The following BPTF variants were observed in gnomAD, a reference collection of about 807,000 sequenced individuals.
The protein encoded by BPTF is bromodomain PHD finger transcription factor, also known as nucleosome-remodeling factor subunit BPTF.
A neutral mutation model predicts 292.5 loss-of-function variants in BPTF; 18 were observed. That is an observed-to-expected ratio of 0.06 (90% CI 0.04 to 0.09). BPTF has a LOEUF of 0.09. Among genes scored for constraint, BPTF ranks in the 10% least tolerant of loss-of-function variants. BPTF has a pLI of 1.00. For synonymous variants in BPTF, 1,225 were observed against 1,251.9 expected (o/e 0.98, Z 0.45); for missense variants, 2,726 against 3,498.7 (o/e 0.78, Z 5.57).
intron 18 of BPTF, among the ~76,000 whole-genome samples, chr17:67,936,274 A>C (rs1466994788): frequency 3.9e-5 from 6 of 152,204 alleles, no homozygotes; most frequent in African/African-American, 1.4e-4. Flanking sequence ...AAAGAAAGGA[A>C]GATGGATTAT....
At chr17:67,907,230 A>G (rs1309015265) in intron 9 of BPTF, among the ~76,000 whole-genome samples, 1 of 148,862 alleles carries the variant, frequency 6.7e-6, no homozygotes, top group African/African-American at 2.5e-5. Context: ...ATTCATCTAG[A>G]CAGTAGTTCT....
intron 1 of BPTF, among the ~76,000 whole-genome samples, chr17:67,839,964 A>G (rs981114190): frequency 8.6e-5 from 13 of 152,026 alleles, no homozygotes; most frequent in African/African-American, 2.9e-4. Flanking sequence ...TTTTTTTTTA[A>G]AAGACACCTT....
intron 19 of BPTF, among the ~76,000 whole-genome samples, chr17:67,942,038 A>G (rs2065410735): frequency 6.6e-6 from 1 of 152,186 alleles, no homozygotes. Flanking sequence ...GGTGGCTCAC[A>G]CCTGTAATCC....
chr17:67,913,276 A>G (rs1226152910), intron 11 of BPTF, 89 bp downstream of exon 11: 1 of 1,466,676 alleles, frequency 6.8e-7, no homozygotes, highest in Non-Finnish European at 9.1e-7. Flanking sequence ...AAATGAGATA[A>G]TAGAGATAAG....
intron 1 of BPTF, 43 bp downstream of exon 1, chr17:67,826,380 C>T (rs751490762): frequency 1.3e-6 from 2 of 1,565,780 alleles, no homozygotes; most frequent in East Asian, 4.5e-5. Flanking sequence ...TCCCCACCTC[C>T]TCTGCCCTCC....
intron 27 of BPTF, chr17:67,981,399 A>C: frequency 1.0e-6 from 1 of 955,884 alleles, no homozygotes; most frequent in Non-Finnish European, 1.4e-6. Flanking sequence ...GTTATAATTC[A>C]TCATTTATAC....
chr17:67,861,687 T>C (rs1477673212), intron 2 of BPTF, among the ~76,000 whole-genome samples: 3 of 152,204 alleles, frequency 2.0e-5, no homozygotes, highest in Non-Finnish European at 4.4e-5. Flanking sequence ...AACCTTTTAA[T>C]TACAATTACT....
Position 67,945,588 on chromosome 17 carries a change from C to G in BPTF, c.6880C>G (p.Gln2294Glu), listed in dbSNP as rs139767484. 86 of 1,610,936 alleles carry G rather than the reference C, an allele frequency of 5.3e-5. No homozygotes were observed. The highest frequency in any genetic ancestry group is 6.0e-5 in the Non-Finnish European group (71 of 1,178,264). The stretch of plus-strand genomic sequence containing the variant: ...CCAGTCCCCAGCTCAGCCTGAAGTT[C>G]AGACTCAGCCTGAAGTTCAGACCCA... Reference protein sequence around the residue: ...QPQSPAQPEVQTQPEVQTQTT... With the variant: ...QPQSPAQPEVETQPEVQTQTT... Residue 2294 changes from glutamine to glutamate, a missense_variant, in exon 21 of 28, where the codon CAG becomes GAG. This residue lies in a region of BPTF where 570 missense variants were observed against 633.5 expected (regional missense o/e 0.90). Transcript: ENST00000306378.
At chr17:67,829,635 A>C (rs1193240802) in intron 1 of BPTF, among the ~76,000 whole-genome samples, 1 of 152,208 alleles carries the variant, frequency 6.6e-6, no homozygotes, top group Non-Finnish European at 1.5e-5. Flanking sequence ...AAATGTGTAG[A>C]TAGAAGAAAA....
chr17:67,884,787 A>G (rs2060645669), intron 4 of BPTF, among the ~76,000 whole-genome samples: 1 of 151,958 alleles, frequency 6.6e-6, no homozygotes, highest in Admixed American at 6.6e-5. Context: ...AGCTCTATAG[A>G]TAAGTAATTT....
chr17:67,957,711 A>C (rs2067090444), intron 23 of BPTF, among the ~76,000 whole-genome samples: 1 of 152,244 alleles, frequency 6.6e-6, no homozygotes, highest in African/African-American at 2.4e-5. Flanking sequence ...CCTCAAAAAA[A>C]TTAGCTGGGC....
At chr17:67,852,278 A>G (rs1053841162) in intron 1 of BPTF, among the ~76,000 whole-genome samples, 4 of 151,946 alleles carry the variant, frequency 2.6e-5, no homozygotes, top group Non-Finnish European at 5.9e-5. Flanking sequence ...TACCTGTCCA[A>G]TTTTTTCTTT....
chr17:67,852,740 A>C (rs2058485002), intron 1 of BPTF, among the ~76,000 whole-genome samples: 1 of 152,266 alleles, frequency 6.6e-6, no homozygotes, highest in Non-Finnish European at 1.5e-5. Flanking sequence ...CTACAGGATA[A>C]GTTCCAGGAG....
intron 1 of BPTF, among the ~76,000 whole-genome samples, chr17:67,843,528 A>C (rs2057746167): frequency 6.7e-6 from 1 of 149,076 alleles, no homozygotes; most frequent in Admixed American, 6.7e-5. Context: ...GTAGATATAT[A>C]TCTAGATATA....
At chr17:67,903,338 ATTATGGCATATC>A (rs1333123282) in intron 7 of BPTF, among the ~76,000 whole-genome samples, 3 of 152,262 alleles carry the variant, frequency 2.0e-5, no homozygotes, top group African/African-American at 7.2e-5. Flanking sequence ...GGTTTAATAA[ATTATGGCATATC>A]CATGCAATGG....
At chr17:67,869,303 T>C (rs2059569168) in intron 3 of BPTF, among the ~76,000 whole-genome samples, 1 of 152,186 alleles carries the variant, frequency 6.6e-6, no homozygotes, top group South Asian at 2.1e-4. Context: ...AAAAATATTT[T>C]CTGTGTGTTA....
chr17:67,965,771 CAGAA>C (rs1156873947), intron 25 of BPTF: 10 of 144,368 alleles, frequency 6.9e-5, no homozygotes, highest in African/African-American at 2.3e-4. Context: ...ACTGAAGACA[CAGAA>C]AGCCAGTGTG....
intron 20 of BPTF, 180 bp downstream of exon 20, chr17:67,944,552 C>T: frequency 1.6e-6 from 1 of 638,554 alleles, no homozygotes; most frequent in Non-Finnish European, 2.7e-6. Context: ...TTCTTACAGA[C>T]TCCCTGTTAC....
chr17:67,890,301 TCGAGG>T (rs2146224738), intron 4 of BPTF, among the ~76,000 whole-genome samples: 1 of 152,322 alleles, frequency 6.6e-6, no homozygotes, highest in Non-Finnish European at 1.5e-5. Context: ...AATGAGGTTA[TCGAGG>T]CTACTTCTGA....
Sources: gnomAD v4.1 joint callset for allele counts (sites outside exome capture counted in the v4.1 genomes callset) on GRCh38, gnomAD v4.1.1 for gene constraint, gnomAD v4.1.1 regional missense constraint, MANE v1.5 for transcripts, NCBI Gene and HGNC (gene_info 2026-07-23, HGNC 2026-07-21) for gene names.